TMEM163: variants seen among roughly 807,000 people sequenced by gnomAD.
TMEM163 encodes transmembrane protein 163.
A neutral mutation model predicts 29.3 loss-of-function variants in TMEM163; 17 were observed. That is an observed-to-expected ratio of 0.58 (90% CI 0.40 to 0.87). The LOEUF is 0.87. TMEM163 is among the 40% of genes least tolerant of loss of function. The pLI is 0.00. For missense variants in TMEM163, 303 were observed against 381.5 expected, an observed-to-expected ratio of 0.79 and a Z score of 1.71; for synonymous variants, 157 against 160.6, an observed-to-expected ratio of 0.98 and a Z score of 0.17.
chr2:134,682,971 C>G (rs745736699), intron 2 of TMEM163, among the ~76,000 whole-genome samples: 2 of 152,058 alleles, frequency 1.3e-5, no homozygotes, highest in Non-Finnish European at 2.9e-5. Flanking sequence ...GGAAAAGACA[C>G]GGAGGAACCG....
chr2:134,661,162 G>GCTCTCT (rs10660772), intron 2 of TMEM163, among the ~76,000 whole-genome samples: 2,671 of 150,158 alleles, frequency 0.018, 61 homozygotes, highest in African/African-American at 0.059. Context: ...GCTCTTGCTT[G>GCTCTCT]CTCTCTCTCT....
intron 2 of TMEM163, among the ~76,000 whole-genome samples, chr2:134,644,139 C>T (rs1683281154): frequency 1.3e-5 from 2 of 152,044 alleles, no homozygotes; most frequent in South Asian, 2.1e-4. Context: ...GAGAGACATA[C>T]TGCATTCAAG....
chr2:134,523,719 A>G (rs1214664655), intron 4 of TMEM163, among the ~76,000 whole-genome samples: 1 of 152,206 alleles, frequency 6.6e-6, no homozygotes, highest in Non-Finnish European at 1.5e-5. Flanking sequence ...AAAGAAATAA[A>G]GTTTCCATTA....
chr2:134,592,283 T>G (rs1481749381), intron 2 of TMEM163, among the ~76,000 whole-genome samples: 1 of 152,204 alleles, frequency 6.6e-6, no homozygotes, highest in African/African-American at 2.4e-5. Context: ...CCTTTAAGGA[T>G]ATCAGACTTT....
chr2:134,707,296 G>A (rs991068723), intron 2 of TMEM163, among the ~76,000 whole-genome samples: 3 of 152,184 alleles, frequency 2.0e-5, no homozygotes, highest in Admixed American at 6.5e-5. Context: ...CATCTGACAT[G>A]AGGAGCGGCC....
chr2:134,591,876 G>A lies in TMEM163; in HGVS notation c.323-39785C>T, dbSNP rs116104013. Among the ~76,000 whole-genome samples the A allele has an allele frequency of 6.4e-3, 962 of 151,362 alleles. 16 individuals carry two copies. The highest frequency in any genetic ancestry group is 0.022 in the African/African-American group (924 of 41,132). On this transcript the variant is annotated intron_variant, in intron 2 of 7. Coordinates refer to ENST00000281924, the MANE Select transcript of TMEM163 (RefSeq NM_030923.5). ...TCACAGCCTATGAATGTGCACATGA[G>A]GCAGTCATTCAGACACACAGACAGT...
intron 6 of TMEM163, 123 bp downstream of exon 6, chr2:134,465,991 G>T: frequency 2.9e-6 from 2 of 678,926 alleles, no homozygotes; most frequent in Admixed American, 2.8e-5. Flanking sequence ...GGGTAGGAGA[G>T]TGAGAAATGG....
chr2:134,479,904 A>AT (rs1687009253), intron 5 of TMEM163, among the ~76,000 whole-genome samples: 1 of 152,242 alleles, frequency 6.6e-6, no homozygotes, highest in Non-Finnish European at 1.5e-5. Flanking sequence ...TTCAAAGGCA[A>AT]TTAGGGGAGA....
At chr2:134,490,652 T>C (rs1444571887) in intron 5 of TMEM163, among the ~76,000 whole-genome samples, 1 of 152,150 alleles carries the variant, frequency 6.6e-6, no homozygotes, top group Non-Finnish European at 1.5e-5. Flanking sequence ...GCATGAAGTG[T>C]TTCCCTAACA....
At chr2:134,713,375 GC>G in intron 1 of TMEM163, 56 bp from the exon 2 acceptor site, 1 of 1,605,670 alleles carries the variant, frequency 6.2e-7, no homozygotes, top group Non-Finnish European at 8.5e-7. Context: ...GAAACCCACA[GC>G]GAGAGCTACA....
intron 2 of TMEM163, among the ~76,000 whole-genome samples, chr2:134,627,549 A>T (rs1156645216): frequency 6.6e-6 from 1 of 152,218 alleles, no homozygotes; most frequent in Admixed American, 6.5e-5. Context: ...TAACAACCAC[A>T]TAGAAACAGA....
At chr2:134,470,076 G>C (rs1686762823) in intron 5 of TMEM163, 1 of 152,496 alleles carries the variant, frequency 6.6e-6, no homozygotes, top group South Asian at 2.1e-4. Flanking sequence ...CTTCATACGA[G>C]GCTGGGCGCG....
chr2:134,664,953 T>C (rs796268273), intron 2 of TMEM163, among the ~76,000 whole-genome samples: 12 of 152,110 alleles, frequency 7.9e-5, no homozygotes, highest in African/African-American at 2.7e-4. Flanking sequence ...GCAGTCTCGG[T>C]TCACGAATTC....
At position 134,718,847 on chromosome 2, in the gene TMEM163, G is replaced by A. The variant is rs1209502170; in HGVS notation, c.89C>T (p.Ala30Val). The change falls in exon 1 of 8, where the codon GCC becomes GTC. Residue 30 changes from alanine (A) to valine (V), a missense_variant. Physicochemically the swap from Ala to Val is moderately conservative, Grantham distance 64. Transcript: ENST00000281924. ...PPRGHAPPAA[A>V]PGPAPLSSPV... ...GGAGCTCAGCGGGGCCGGGCCGGGG[G>A]CGGCAGCCGGTGGCGCGTGGCCCCG... 1.8e-6 allele frequency: 2 copies of A among 1,119,466 alleles called. No individual in the cohort carries two copies. The highest frequency in any genetic ancestry group is 5.0e-5 in the East Asian group (1 of 20,054). The allele number at this position is 1,119,466 out of a possible 1,614,324, so 69.3% of individuals were successfully genotyped here.
intron 5 of TMEM163, among the ~76,000 whole-genome samples, chr2:134,483,024 G>T (rs559091925): frequency 6.6e-6 from 1 of 152,204 alleles, no homozygotes; most frequent in South Asian, 2.1e-4. Context: ...CAAAGCTGAG[G>T]CTGGCAGGGT....
At chr2:134,673,879 G>A (rs11898465) in intron 2 of TMEM163, among the ~76,000 whole-genome samples, 2 of 152,002 alleles carry the variant, frequency 1.3e-5, no homozygotes, top group African/African-American at 2.4e-5. Flanking sequence ...AACTTTGTGC[G>A]GTTTTAAGCC....
intron 5 of TMEM163, among the ~76,000 whole-genome samples, chr2:134,498,706 G>C (rs972508885): frequency 6.6e-6 from 1 of 152,200 alleles, no homozygotes; most frequent in Non-Finnish European, 1.5e-5. Context: ...GGGCCCATAT[G>C]GAAAGGGTCA....
At chr2:134,694,964 T>C (rs1163055406) in intron 2 of TMEM163, among the ~76,000 whole-genome samples, 1 of 152,090 alleles carries the variant, frequency 6.6e-6, no homozygotes, top group African/African-American at 2.4e-5. Flanking sequence ...AAAAAACTGG[T>C]GGTGAAAGTT....
rs1375851209 is a variant in TMEM163 at position 134,460,649 on chromosome 2, G to C, written c.668-2476C>G. On this transcript the variant is annotated intron_variant, in intron 6 of 7. Transcript: ENST00000281924. The surrounding 1 kb of genome is among the most constrained non-coding windows in gnomAD (Gnocchi z 4.3). ...CAGACAGTCACCCCAGGAGAAGCAA[G>C]CCCAAGCCAGGTGCTGCTCAGAAAA... Among the ~76,000 whole-genome samples, 2 of 152,144 alleles carry C rather than the reference G, an allele frequency of 1.3e-5. No individual in the cohort carries two copies. The highest frequency in any genetic ancestry group is 2.9e-5 in the Non-Finnish European group (2 of 68,036).
Sources: allele counts gnomAD v4.1 joint callset (sites outside exome capture counted in the v4.1 genomes callset), GRCh38; gene constraint gnomAD v4.1.1; non-coding constraint Gnocchi (gnomAD v3.1); transcripts MANE v1.5; gene names NCBI Gene and HGNC (gene_info 2026-07-23, HGNC 2026-07-21).